Variants in GTF2H3 observed in about 807,000 individuals in gnomAD.
The protein encoded by GTF2H3 is general transcription factor IIH subunit 3, also known as TFIIH basal transcription factor complex p34 subunit.
GTF2H3 carries 42 observed loss-of-function variants against 51.1 expected under a neutral mutation model. The ratio of observed to expected loss-of-function variants is 0.82; its 90% CI spans 0.64 to 1.06. The LOEUF is 1.06. GTF2H3 is among the 50% of genes least tolerant of loss of function. GTF2H3 has a pLI of 0.00. For missense variants in GTF2H3, 326 were observed against 366.1 expected (o/e 0.89, Z 0.89); for synonymous variants, 123 against 123.8 (o/e 0.99, Z 0.04).
At chr12:123,637,485 T>C (rs956390427) in intron 1 of GTF2H3, among the ~76,000 whole-genome samples, 2 of 151,936 alleles carry the variant, frequency 1.3e-5, no homozygotes, top group Middle Eastern at 3.2e-3. Context: ...TAGGAATTGC[T>C]TTTCCCTCTG....
intron 1 of GTF2H3, among the ~76,000 whole-genome samples, chr12:123,636,917 CAAAAA>C (rs879833374): frequency 7.1e-6 from 1 of 141,340 alleles, no homozygotes; most frequent in East Asian, 2.0e-4. Context: ...AACTCCGTCT[CAAAAA>C]AAAAAAATAA....
At chr12:123,659,773 C>G (rs761632902) in intron 10 of GTF2H3, 22 bp from the exon 11 acceptor site, 1 of 1,602,028 alleles carries the variant, frequency 6.2e-7, no homozygotes, top group African/African-American at 1.4e-5. Context: ...ATAAAAGTTT[C>G]TTTTGTTTGT....
At chr12:123,647,152 CAAAAAAA>C in intron 3 of GTF2H3, among the ~76,000 whole-genome samples, 1 of 63,170 alleles carries the variant, frequency 1.6e-5, no homozygotes, top group East Asian at 5.8e-4. Context: ...GACCCTGTCT[CAAAAAAA>C]AAAAAAAAAA....
At chr12:123,648,635 C>G (rs1206310815) in intron 4 of GTF2H3, among the ~76,000 whole-genome samples, 3 of 152,166 alleles carry the variant, frequency 2.0e-5, no homozygotes, top group Non-Finnish European at 2.9e-5. Context: ...TATCTTTGCT[C>G]TCACTCACAC....
Sources: gnomAD v4.1 joint callset for allele counts (sites outside exome capture counted in the v4.1 genomes callset) on GRCh38, gnomAD v4.1.1 for gene constraint, MANE v1.5 for transcripts, NCBI Gene and HGNC (gene_info 2026-07-23, HGNC 2026-07-21) for gene names.